The following PCDH15 variants were observed in gnomAD, a reference collection of about 807,000 sequenced individuals.
PCDH15 encodes the protein protocadherin related 15.
PCDH15 carries 129 observed loss-of-function variants against 178.5 expected under a neutral mutation model. The observed-to-expected ratio is 0.72, with a 90% confidence interval of 0.63 to 0.84. The LOEUF (loss-of-function observed/expected upper bound fraction) is 0.84. PCDH15 is among the 40% of genes least tolerant of loss of function. PCDH15 has a pLI of 0.00. For missense variants in PCDH15, 2,230 were observed against 2,099.9 expected, an observed-to-expected ratio of 1.06 and a Z score of -1.21; for synonymous variants, 800 against 732.0, an observed-to-expected ratio of 1.09 and a Z score of -1.50.
chr10:54,379,992 CT>C (rs1449819052), intron 3 of PCDH15, among the ~76,000 whole-genome samples: 2 of 152,024 alleles, frequency 1.3e-5, no homozygotes, highest in African/African-American at 4.8e-5. Flanking sequence ...GTTGCATTTT[CT>C]TAAGGCATGA....
chr10:54,404,959 C>A (rs1450069861), intron 3 of PCDH15, among the ~76,000 whole-genome samples: 3 of 151,974 alleles, frequency 2.0e-5, no homozygotes, highest in Non-Finnish European at 4.4e-5. Context: ...CATCTCGCAC[C>A]AGTCAAAATG....
At chr10:54,484,709 A>T (rs957478400) in intron 3 of PCDH15, among the ~76,000 whole-genome samples, 2 of 151,950 alleles carry the variant, frequency 1.3e-5, no homozygotes, top group Admixed American at 1.3e-4. Context: ...TCAATAAAAA[A>T]GTATAATAGT....
Position 54,808,721 on chromosome 10 carries a change from T to C in PCDH15, c.-29+88729A>G, listed in dbSNP as rs551792398. On this transcript the variant is annotated intron_variant, in intron 3 of 5. Coordinates refer to the PCDH15 transcript ENST00000458638. The stretch of plus-strand genomic sequence containing the variant: ...CTTTATAGCTTCATTTAAAGGAGTT[T>C]CATAATTTCCATAGCAACAGATAAC... 8.5e-5 allele frequency among the ~76,000 whole-genome samples: 13 copies of C among 152,298 alleles called. No individual in the cohort carries two copies. In the South Asian group the frequency reaches 2.5e-3, roughly 29 times the overall value.
intron 8 of PCDH15, among the ~76,000 whole-genome samples, chr10:54,243,055 T>C (rs1406400637): frequency 6.6e-6 from 1 of 152,198 alleles, no homozygotes; most frequent in Admixed American, 6.5e-5. Flanking sequence ...ATTTGAAATC[T>C]TAGTAACTAT....
At chr10:54,883,317 A>T (rs1214787078) in intron 3 of PCDH15, among the ~76,000 whole-genome samples, 1 of 152,082 alleles carries the variant, frequency 6.6e-6, no homozygotes. Flanking sequence ...CCTATTTCAG[A>T]ACTTCTATAA....
At chr10:54,633,715 C>T (rs1447858395) in intron 2 of PCDH15, among the ~76,000 whole-genome samples, 3 of 152,054 alleles carry the variant, frequency 2.0e-5, no homozygotes, top group East Asian at 1.9e-4. Flanking sequence ...TGGGAGTCTT[C>T]GTAATCTCCA....
At chr10:54,378,980 C>T (rs2135029283) in intron 3 of PCDH15, 38 bp from the exon 4 acceptor site, 1 of 1,609,292 alleles carries the variant, frequency 6.2e-7, no homozygotes, top group East Asian at 2.2e-5. Context: ...ACATATTCTA[C>T]TCATATGAAT....
chr10:54,637,473 G>T (rs1375262987), intron 2 of PCDH15, among the ~76,000 whole-genome samples: 1 of 151,940 alleles, frequency 6.6e-6, no homozygotes, highest in Admixed American at 6.6e-5. Context: ...CCTGTTCCTT[G>T]ACTCATGGTT....
intron 13 of PCDH15, among the ~76,000 whole-genome samples, chr10:54,182,728 A>C (rs2048112718): frequency 6.6e-6 from 1 of 152,162 alleles, no homozygotes; most frequent in Admixed American, 6.6e-5. Context: ...TCAATTTACT[A>C]AGGCAGTTTT....
At chr10:54,386,507 A>G (rs980723090) in intron 3 of PCDH15, among the ~76,000 whole-genome samples, 18 of 152,214 alleles carry the variant, frequency 1.2e-4, no homozygotes, top group Admixed American at 1.2e-3. Flanking sequence ...TTATTCAAAT[A>G]TTAATCAGAG....
At chr10:54,545,671 A>G (rs2085765279) in intron 2 of PCDH15, among the ~76,000 whole-genome samples, 1 of 152,180 alleles carries the variant, frequency 6.6e-6, no homozygotes, top group Non-Finnish European at 1.5e-5. Flanking sequence ...TGGGATCTAT[A>G]GCAATATAGA....
intron 1 of PCDH15, among the ~76,000 whole-genome samples, chr10:54,739,423 AG>A (rs1944501242): frequency 6.6e-6 from 1 of 151,996 alleles, no homozygotes; most frequent in Admixed American, 6.6e-5. Context: ...TAAATTAAAA[AG>A]GAGACAAAAA....
At chr10:54,646,693 C>G (rs970773122) in intron 2 of PCDH15, among the ~76,000 whole-genome samples, 4 of 151,868 alleles carry the variant, frequency 2.6e-5, no homozygotes, top group African/African-American at 9.7e-5. Context: ...GGATGTCTTT[C>G]CACTTGTTTT....
intron 1 of PCDH15, among the ~76,000 whole-genome samples, chr10:54,721,405 AC>A (rs1941575375): frequency 6.6e-6 from 1 of 151,974 alleles, no homozygotes; most frequent in Non-Finnish European, 1.5e-5. Context: ...TGAGATCAAG[AC>A]CAAATAAATA....
chr10:54,721,266 A>G (rs1316937239), intron 1 of PCDH15, among the ~76,000 whole-genome samples: 2 of 151,972 alleles, frequency 1.3e-5, no homozygotes, highest in Admixed American at 1.3e-4. Flanking sequence ...ATAGTGTTAA[A>G]TGTCTACATC....
chr10:55,067,497 T>C (rs2132007269), intron 2 of PCDH15, among the ~76,000 whole-genome samples: 1 of 152,232 alleles, frequency 6.6e-6, no homozygotes, highest in Non-Finnish European at 1.5e-5. Flanking sequence ...ACACTTAGGT[T>C]GATTCCATAT....
chr10:54,513,609 C>T (rs2081926627), intron 3 of PCDH15, among the ~76,000 whole-genome samples: 1 of 152,052 alleles, frequency 6.6e-6, no homozygotes, highest in Non-Finnish European at 1.5e-5. Flanking sequence ...TAAAAAGAAT[C>T]ACACTATGTA....
chr10:54,638,813 A>T (rs2093922916), intron 2 of PCDH15, among the ~76,000 whole-genome samples: 1 of 152,148 alleles, frequency 6.6e-6, no homozygotes, highest in Non-Finnish European at 1.5e-5. Context: ...TGAGCGGATA[A>T]AGAAAACATG....
intron 26 of PCDH15, among the ~76,000 whole-genome samples, chr10:53,876,012 G>T (rs931507996): frequency 1.3e-5 from 2 of 152,000 alleles, no homozygotes; most frequent in Non-Finnish European, 2.9e-5. Flanking sequence ...AACATTTAAC[G>T]GTATTGAAGG....
Sources: gnomAD v4.1 joint callset for allele counts (sites outside exome capture counted in the v4.1 genomes callset) on GRCh38, gnomAD v4.1.1 for gene constraint, MANE v1.5 for transcripts, NCBI Gene and HGNC (gene_info 2026-07-23, HGNC 2026-07-21) for gene names.